GRM7: variants seen among roughly 807,000 people sequenced by gnomAD.
GRM7 encodes glutamate metabotropic receptor 7, also known as metabotropic glutamate receptor 7.
A neutral mutation model predicts 84.5 loss-of-function variants in GRM7; 35 were observed. The ratio of observed to expected loss-of-function variants is 0.41; its 90% CI spans 0.32 to 0.55. The LOEUF is 0.55. GRM7 is among the 20% of genes least tolerant of loss of function. The pLI is 0.19. For synonymous variants in GRM7, 487 were observed against 455.1 expected, an observed-to-expected ratio of 1.07 and a Z score of -0.89; for missense variants, 1,003 against 1,194.6, an observed-to-expected ratio of 0.84 and a Z score of 2.36.
chr3:6,887,724 A>G (rs528770021), intron 1 of GRM7, among the ~76,000 whole-genome samples: 2 of 152,316 alleles, frequency 1.3e-5, no homozygotes, highest in African/African-American at 4.8e-5. Flanking sequence ...AGCAGGATTT[A>G]TAGTCCTTTG....
At chr3:7,493,086 A>G (rs1220304541) in intron 7 of GRM7, among the ~76,000 whole-genome samples, 1 of 152,080 alleles carries the variant, frequency 6.6e-6, no homozygotes, top group African/African-American at 2.4e-5. Context: ...GTTTATGATA[A>G]ACATGTTCTA....
intron 1 of GRM7, among the ~76,000 whole-genome samples, chr3:7,064,053 T>C (rs1038757681): frequency 2.6e-5 from 4 of 151,744 alleles, no homozygotes; most frequent in Admixed American, 1.3e-4. Context: ...TATTTATTTA[T>C]TTACTTATTT....
chr3:7,065,721 G>T (rs1028434543), intron 1 of GRM7, among the ~76,000 whole-genome samples: 3 of 151,784 alleles, frequency 2.0e-5, no homozygotes, highest in African/African-American at 7.3e-5. Context: ...TTCTAATTCT[G>T]TGAAGAATGA....
chr3:7,498,780 A>T (rs942643630), intron 7 of GRM7, among the ~76,000 whole-genome samples: 2 of 152,142 alleles, frequency 1.3e-5, no homozygotes, highest in Non-Finnish European at 2.9e-5. Flanking sequence ...TGCCCCATAT[A>T]AAAATGTATA....
intron 5 of GRM7, among the ~76,000 whole-genome samples, chr3:7,426,643 G>A (rs932412520): frequency 6.6e-6 from 1 of 152,086 alleles, no homozygotes; most frequent in Non-Finnish European, 1.5e-5. Context: ...ACACTTGCCT[G>A]TTTGTGACAC....
intron 2 of GRM7, among the ~76,000 whole-genome samples, chr3:7,166,716 C>T (rs1269267912): frequency 6.6e-6 from 1 of 152,130 alleles, no homozygotes; most frequent in Non-Finnish European, 1.5e-5. Flanking sequence ...CGAACAGATG[C>T]CGCTTGATGG....
rs147975227 is a variant in GRM7, at chr3:7,654,868, C to A, written c.2452-25181C>A. ...TAGGAAATAATTGCTTGGGGTGGCC[C>A]ACACATATATTTTACTTCTGATCAG... On this transcript the variant is annotated intron_variant, in intron 8 of 9. Coordinates refer to ENST00000357716, the MANE Select transcript of GRM7 (RefSeq NM_000844.4). Among the ~76,000 whole-genome samples the A allele has an allele frequency of 5.0e-4, 76 of 152,300 alleles. 1 individual carries two copies. Among genetic ancestry groups the A allele is most frequent in the African/African-American group, 1.7e-3 (71 of 41,576 alleles).
At chr3:7,652,561 C>T (rs1391900945) in intron 8 of GRM7, among the ~76,000 whole-genome samples, 1 of 152,132 alleles carries the variant, frequency 6.6e-6, no homozygotes, top group Non-Finnish European at 1.5e-5. Context: ...AACATGGCTC[C>T]CTTCACAAGG....
intron 1 of GRM7, among the ~76,000 whole-genome samples, chr3:7,000,429 C>A (rs1465722204): frequency 6.6e-6 from 1 of 152,080 alleles, no homozygotes; most frequent in Non-Finnish European, 1.5e-5. Flanking sequence ...TCAGGTGATC[C>A]ACCTGCCTTG....
chr3:7,694,705 A>T (rs892721593), intron 9 of GRM7, among the ~76,000 whole-genome samples: 1 of 152,216 alleles, frequency 6.6e-6, no homozygotes, highest in African/African-American at 2.4e-5. Flanking sequence ...GCATAAATAC[A>T]TTCAACATTT....
At chr3:7,275,589 G>T (rs779753937) in intron 2 of GRM7, among the ~76,000 whole-genome samples, 1 of 152,126 alleles carries the variant, frequency 6.6e-6, no homozygotes, top group Non-Finnish European at 1.5e-5. Context: ...ATTTCCCAAG[G>T]CTAGAGCTGG....
intron 2 of GRM7, among the ~76,000 whole-genome samples, chr3:7,229,960 C>A (rs1421624229): frequency 2.0e-5 from 3 of 148,666 alleles, no homozygotes. Flanking sequence ...CTGCCTCAGC[C>A]TCCCGAGTAG....
At chr3:7,464,700 C>A (rs369786546) in intron 7 of GRM7, among the ~76,000 whole-genome samples, 1 of 151,670 alleles carries the variant, frequency 6.6e-6, no homozygotes, top group Admixed American at 6.6e-5. Context: ...TGGTGGCGGG[C>A]GCCTGTAGTC....
chr3:7,033,563 C>A (rs1696268502), intron 1 of GRM7, among the ~76,000 whole-genome samples: 1 of 152,188 alleles, frequency 6.6e-6, no homozygotes, highest in African/African-American at 2.4e-5. Flanking sequence ...CTACTTCCTT[C>A]CAAACCTAGC....
At chr3:7,096,684 G>C (rs1005064068) in intron 1 of GRM7, among the ~76,000 whole-genome samples, 6 of 152,136 alleles carry the variant, frequency 3.9e-5, no homozygotes, top group Non-Finnish European at 5.9e-5. Context: ...GAGGAGGTCA[G>C]AATGGCTCAA....
intron 6 of GRM7, among the ~76,000 whole-genome samples, chr3:7,459,341 G>A (rs1698145757): frequency 6.6e-6 from 1 of 152,160 alleles, no homozygotes; most frequent in Admixed American, 6.5e-5. Flanking sequence ...CACTTAACCA[G>A]CAGGTGGGGA....
At chr3:7,157,080 C>G (rs1029760298) in intron 2 of GRM7, among the ~76,000 whole-genome samples, 3 of 152,096 alleles carry the variant, frequency 2.0e-5, no homozygotes, top group African/African-American at 7.2e-5. Flanking sequence ...ACACAAGCAG[C>G]AGAAGATGAC....
At chr3:7,024,708 G>T (rs948267776) in intron 1 of GRM7, among the ~76,000 whole-genome samples, 31 of 152,154 alleles carry the variant, frequency 2.0e-4, no homozygotes, top group African/African-American at 6.0e-4. Flanking sequence ...GCCTAGAAGG[G>T]GCTGCTTGTT....
intron 1 of GRM7, among the ~76,000 whole-genome samples, chr3:7,107,918 C>A (rs186583748): frequency 9.2e-5 from 14 of 151,914 alleles, no homozygotes; most frequent in African/African-American, 3.4e-4. Context: ...GAAAAAAAGA[C>A]GAGAAAAGAG....
Sources: gnomAD v4.1 joint callset for allele counts (sites outside exome capture counted in the v4.1 genomes callset) on GRCh38, gnomAD v4.1.1 for gene constraint, MANE v1.5 for transcripts, NCBI Gene and HGNC (gene_info 2026-07-23, HGNC 2026-07-21) for gene names.